The following PPFIBP2 variants were observed in gnomAD, a reference collection of about 807,000 sequenced individuals.
The protein encoded by PPFIBP2 is PPFIB scaffold protein 2.
Under a neutral mutation model 118.3 loss-of-function variants are expected in PPFIBP2, and 118 were observed. That is an observed-to-expected ratio of 1.00 (90% CI 0.86 to 1.16). The LOEUF (loss-of-function observed/expected upper bound fraction) is 1.16. Among genes scored for constraint, PPFIBP2 ranks in the 50% most tolerant of loss-of-function variants. The pLI, the probability that PPFIBP2 is intolerant of heterozygous loss-of-function variation, is 0.00. For missense variants in PPFIBP2, 1,195 were observed against 1,073.1 expected (o/e 1.11, Z -1.59); for synonymous variants, 414 against 397.4 (o/e 1.04, Z -0.50).
In PPFIBP2 at chr11:7,653,351, G is replaced by A; in HGVS notation, c.*133G>A. On this transcript the variant is annotated 3_prime_UTR_variant, in exon 24 of 24. Coordinates refer to ENST00000299492, the MANE Select transcript of PPFIBP2 (RefSeq NM_003621.5). The stretch of plus-strand genomic sequence containing the variant: ...TATTCCAGCAATTGTGTACCCCTGG[G>A]CCAGTCTCTTTGAACCCTGAGGGTG... The A allele has an allele frequency of 2.7e-6, 4 of 1,492,612 alleles. No individual in the cohort carries two copies. The highest frequency in any genetic ancestry group is 3.6e-6 in the Non-Finnish European group (4 of 1,125,192). The allele number at this position is 1,492,612 out of a possible 1,614,324, so 92.5% of individuals were successfully genotyped here.
intron 18 of PPFIBP2, 115 bp from the exon 19 acceptor site, chr11:7,648,685 G>T: frequency 7.0e-7 from 1 of 1,429,276 alleles, no homozygotes; most frequent in Non-Finnish European, 9.8e-7. Context: ...GCATCCCAGG[G>T]CACGGTGTGG....
intron 3 of PPFIBP2, among the ~76,000 whole-genome samples, chr11:7,584,850 G>A (rs149977025): frequency 7.7e-4 from 117 of 152,306 alleles, no homozygotes; most frequent in African/African-American, 2.8e-3. Flanking sequence ...TAGTAACTTT[G>A]ATATCTCCCC....
chr11:7,527,386 C>A (rs1355739342), intron 1 of PPFIBP2, among the ~76,000 whole-genome samples: 1 of 151,912 alleles, frequency 6.6e-6, no homozygotes, highest in Non-Finnish European at 1.5e-5. Context: ...AGAACTGGCC[C>A]ATTGGATCTG....
downstream of PPFIBP2, chr11:7,655,595 G>C (rs778897455): frequency 2.0e-6 from 2 of 986,738 alleles, no homozygotes; most frequent in Non-Finnish European, 2.8e-6. Context: ...CCTGGGGGAC[G>C]GCGAAGAATG....
intron 16 of PPFIBP2, 41 bp from the exon 17 acceptor site, chr11:7,642,257 G>C (rs1357970009): frequency 6.2e-7 from 1 of 1,609,050 alleles, no homozygotes; most frequent in Non-Finnish European, 8.5e-7. Flanking sequence ...TAGGCTTTCT[G>C]ACTATTCCAT....
chr11:7,592,618 A>G (rs575105474), intron 3 of PPFIBP2, among the ~76,000 whole-genome samples: 3 of 152,296 alleles, frequency 2.0e-5, no homozygotes, highest in Admixed American at 1.3e-4. Flanking sequence ...TCCATCCTTC[A>G]TGCTCACTGT....
chr11:7,519,129 AGAAGATGGCGACTGG>A (rs1269764559), intron 1 of PPFIBP2, among the ~76,000 whole-genome samples: 1 of 151,738 alleles, frequency 6.6e-6, no homozygotes, highest in Non-Finnish European at 1.5e-5. Flanking sequence ...ATGGCAGCTG[AGAAGATGGCGACTGG>A]GAAGATGGCA....
At chr11:7,617,401 G>C in intron 6 of PPFIBP2, 1 of 688,378 alleles carries the variant, frequency 1.5e-6, no homozygotes, top group Middle Eastern at 7.4e-4. Flanking sequence ...GCTTGGCATG[G>C]ATCTGTTGTT....
chr11:7,521,649 C>T (rs1045878722), intron 1 of PPFIBP2, among the ~76,000 whole-genome samples: 1 of 152,216 alleles, frequency 6.6e-6, no homozygotes, highest in African/African-American at 2.4e-5. Flanking sequence ...TGTCTCTGTC[C>T]ATATTCCTCC....
At chr11:7,628,426 T>A in intron 9 of PPFIBP2, 80 bp downstream of exon 9, 1 of 1,299,182 alleles carries the variant, frequency 7.7e-7, no homozygotes, top group Non-Finnish European at 1.1e-6. Context: ...TCTCTGATAT[T>A]CTGGACAGGA....
intron 1 of PPFIBP2, among the ~76,000 whole-genome samples, chr11:7,532,625 G>A (rs1255838129): frequency 1.3e-5 from 2 of 152,192 alleles, no homozygotes; most frequent in East Asian, 1.9e-4. Flanking sequence ...TCTGGCTCCC[G>A]TGTGGCCCTC....
intron 5 of PPFIBP2, among the ~76,000 whole-genome samples, chr11:7,601,650 C>T (rs767507238): frequency 4.6e-5 from 7 of 152,194 alleles, no homozygotes; most frequent in Non-Finnish European, 8.8e-5. Flanking sequence ...GCCCAGGAAA[C>T]TTTCCCCATT....
At position 7,653,684 on chromosome 11, in the gene PPFIBP2, A is replaced by G. The variant is rs779387186; in HGVS notation, c.*466A>G. ...AACAGGGACTTCTGCCACAGTGACAATGGAATTGTGTTGTGCCTTACTTCA... is the reference window on the plus strand; with the variant it reads ...AACAGGGACTTCTGCCACAGTGACAGTGGAATTGTGTTGTGCCTTACTTCA... On this transcript the variant is annotated 3_prime_UTR_variant, in exon 24 of 24. Transcript: ENST00000299492. The G allele has an allele frequency of 1.5e-5, 19 of 1,288,274 alleles. No individual in the cohort carries two copies. Among genetic ancestry groups the G allele is most frequent in the South Asian group, 1.4e-4 (11 of 80,582 alleles). The allele number at this position is 1,288,274 out of a possible 1,614,324, so 79.8% of individuals were successfully genotyped here. A position where few individuals can be genotyped will look rare whatever the true frequency, so the allele number is the denominator to read the frequency against.
chr11:7,648,288 T>A, intron 17 of PPFIBP2, 99 bp from the exon 18 acceptor site: 1 of 1,386,110 alleles, frequency 7.2e-7, no homozygotes, highest in East Asian at 2.4e-5. Flanking sequence ...GTTTTTTGTT[T>A]TGTTTTTTCT....
intron 6 of PPFIBP2, among the ~76,000 whole-genome samples, chr11:7,614,591 T>C (rs1277982340): frequency 6.6e-6 from 1 of 152,230 alleles, no homozygotes; most frequent in Non-Finnish European, 1.5e-5. Flanking sequence ...ATCTTGTATA[T>C]ATGTAAAGAT....
chr11:7,663,080 G>C, the PPFIBP2 span, among the ~76,000 whole-genome samples: 3 of 130,578 alleles, frequency 2.3e-5, no homozygotes, highest in Admixed American at 7.9e-5. Flanking sequence ...CAACTTCTTT[G>C]CCTTTGGTTT....
the PPFIBP2 span, chr11:7,665,967 G>A: frequency 6.6e-7 from 1 of 1,510,938 alleles, no homozygotes; most frequent in Admixed American, 2.0e-5. Context: ...ACAGCCGGGA[G>A]CAGTGTGAGA....
intron 1 of PPFIBP2, among the ~76,000 whole-genome samples, chr11:7,523,602 A>G (rs1849962283): frequency 6.6e-6 from 1 of 152,196 alleles, no homozygotes; most frequent in South Asian, 2.1e-4. Flanking sequence ...CAAATTGCAC[A>G]GATTACAGAC....
chr11:7,571,964 G>A (rs1855700965), intron 3 of PPFIBP2: 1 of 152,198 alleles, frequency 6.6e-6, no homozygotes, highest in Non-Finnish European at 1.5e-5. Context: ...GATAACATAA[G>A]CACCTCTCAT....
Sources: allele counts gnomAD v4.1 joint callset (sites outside exome capture counted in the v4.1 genomes callset), GRCh38; gene constraint gnomAD v4.1.1; transcripts MANE v1.5; gene names NCBI Gene and HGNC (gene_info 2026-07-23, HGNC 2026-07-21).